The following EPHA5 variants were observed in gnomAD, a reference collection of about 807,000 sequenced individuals.
EPHA5 encodes the protein ephrin type-A receptor 5.
A neutral mutation model predicts 105.0 loss-of-function variants in EPHA5; 60 were observed. The observed-to-expected ratio is 0.57, with a 90% CI of 0.46 to 0.71. The LOEUF is 0.71. Ranked by LOEUF, EPHA5 falls within the 30% of genes least tolerant of loss-of-function variation. The probability of loss-of-function intolerance (pLI) is 0.00; values close to 1 mark genes in which losing one functional copy is unlikely to be tolerated. For missense variants in EPHA5, 1,218 were observed against 1,274.7 expected, an observed-to-expected ratio of 0.96 and a Z score of 0.68; for synonymous variants, 513 against 449.1, an observed-to-expected ratio of 1.14 and a Z score of -1.80.
At chr4:65,607,270 C>T (rs1057056488) in intron 2 of EPHA5, among the ~76,000 whole-genome samples, 8 of 151,818 alleles carry the variant, frequency 5.3e-5, no homozygotes, top group African/African-American at 1.9e-4. Flanking sequence ...TAGGCATGGG[C>T]AAATAATTCA....
At chr4:65,383,493 A>G (rs936639538) in intron 8 of EPHA5, among the ~76,000 whole-genome samples, 2 of 151,920 alleles carry the variant, frequency 1.3e-5, no homozygotes, top group African/African-American at 4.8e-5. Context: ...AAACAAAGCA[A>G]GAAAAGAAAT....
At chr4:65,640,220 T>G (rs543769603) in intron 2 of EPHA5, among the ~76,000 whole-genome samples, 86 of 152,136 alleles carry the variant, frequency 5.7e-4, no homozygotes, top group Non-Finnish European at 8.1e-4. Flanking sequence ...CTGAAATAAT[T>G]CTGTAAACTC....
intron 1 of EPHA5, among the ~76,000 whole-genome samples, chr4:65,665,456 A>G (rs192370969): frequency 1.8e-3 from 277 of 152,228 alleles, no homozygotes; most frequent in African/African-American, 6.3e-3. Flanking sequence ...TTTTGCATGT[A>G]AAGATACAAA....
chr4:65,556,656 T>A (rs530058395), intron 3 of EPHA5, among the ~76,000 whole-genome samples: 3 of 152,186 alleles, frequency 2.0e-5, no homozygotes, highest in Non-Finnish European at 2.9e-5. Context: ...ACTATAGTAA[T>A]ATTAATTGTT....
intron 3 of EPHA5, among the ~76,000 whole-genome samples, chr4:65,567,719 A>T (rs1739697959): frequency 6.6e-6 from 1 of 151,630 alleles, no homozygotes; most frequent in African/African-American, 2.4e-5. Context: ...TATTAACCAA[A>T]GTGCTTGAGT....
intron 16 of EPHA5, chr4:65,331,282 G>A: frequency 9.7e-7 from 1 of 1,029,470 alleles, no homozygotes; most frequent in Non-Finnish European, 1.2e-6. Flanking sequence ...CATGTACAGA[G>A]TATATAATAA....
At chr4:65,596,435 C>T (rs1302603102) in intron 3 of EPHA5, among the ~76,000 whole-genome samples, 2 of 151,962 alleles carry the variant, frequency 1.3e-5, no homozygotes, top group Non-Finnish European at 2.9e-5. Context: ...AATATCAAAA[C>T]TCCAGTGCTG....
intron 3 of EPHA5, among the ~76,000 whole-genome samples, chr4:65,595,421 T>C (rs1267577906): frequency 1.3e-5 from 2 of 152,110 alleles, no homozygotes; most frequent in East Asian, 3.9e-4. Flanking sequence ...GGAAGTTCTA[T>C]AAAACGTACA....
At chr4:65,347,155 A>C (rs947626023) in intron 14 of EPHA5, among the ~76,000 whole-genome samples, 1 of 148,658 alleles carries the variant, frequency 6.7e-6, no homozygotes, top group Non-Finnish European at 1.5e-5. Flanking sequence ...GGTTTTATGG[A>C]GCATGGATGA....
At chr4:65,341,803 T>C (rs897241332) in intron 14 of EPHA5, among the ~76,000 whole-genome samples, 2 of 151,956 alleles carry the variant, frequency 1.3e-5, no homozygotes, top group Admixed American at 1.3e-4. Context: ...TGAGTACCTA[T>C]GTTGCTAGGC....
At chr4:65,524,640 A>G (rs1323752429) in intron 3 of EPHA5, among the ~76,000 whole-genome samples, 2 of 151,844 alleles carry the variant, frequency 1.3e-5, no homozygotes, top group African/African-American at 4.8e-5. Flanking sequence ...AATAGCTTCT[A>G]GATGAAGGAA....
At chr4:65,575,992 GAGAGAGAGAGAAAGAAAGAAAGAA>G (rs1417445478) in intron 3 of EPHA5, among the ~76,000 whole-genome samples, 2 of 72,616 alleles carry the variant, frequency 2.8e-5, no homozygotes, top group African/African-American at 1.0e-4. Context: ...AAGAGAGAGA[GAGAGAGAGAGAAAGAAAGAAAGAA>G]AGAAAGAAAG....
intron 11 of EPHA5, among the ~76,000 whole-genome samples, chr4:65,362,124 T>A (rs145513354): frequency 1.3e-5 from 2 of 151,696 alleles, no homozygotes; most frequent in East Asian, 3.9e-4. Context: ...TTTATGATGG[T>A]TGCTGTTTAA....
At chr4:65,501,149 T>G (rs1472536698) in intron 3 of EPHA5, among the ~76,000 whole-genome samples, 3 of 151,416 alleles carry the variant, frequency 2.0e-5, no homozygotes, top group African/African-American at 7.3e-5. Flanking sequence ...ATAAGGGAAT[T>G]AAAACTCAAA....
chr4:65,464,079 T>C (rs189570907), intron 5 of EPHA5, among the ~76,000 whole-genome samples: 1 of 151,762 alleles, frequency 6.6e-6, no homozygotes, highest in Admixed American at 6.6e-5. Flanking sequence ...TTGTCTTTCA[T>C]CCATTCAAAG....
intron 1 of EPHA5, among the ~76,000 whole-genome samples, chr4:65,655,954 T>A (rs969910462): frequency 1.3e-4 from 20 of 151,874 alleles, no homozygotes; most frequent in Non-Finnish European, 2.2e-4. Context: ...AACACAGTAG[T>A]TTTTAAACTG....
At chr4:65,400,695 T>G (rs1177124990) in intron 8 of EPHA5, among the ~76,000 whole-genome samples, 3 of 152,120 alleles carry the variant, frequency 2.0e-5, no homozygotes, top group Non-Finnish European at 4.4e-5. Flanking sequence ...AAAGTTAACC[T>G]TTTTTATTTG....
chr4:65,640,276 T>A (rs1252084859), intron 2 of EPHA5, among the ~76,000 whole-genome samples: 1 of 23,742 alleles, frequency 4.2e-5, no homozygotes, highest in Non-Finnish European at 8.7e-5. Flanking sequence ...CATTGCTCAG[T>A]TTTTTCTTTT....
At chr4:65,396,033 C>A (rs1158180677) in intron 8 of EPHA5, among the ~76,000 whole-genome samples, 1 of 152,160 alleles carries the variant, frequency 6.6e-6, no homozygotes, top group Non-Finnish European at 1.5e-5. Flanking sequence ...AGCCACCCAA[C>A]TGTGGATGTA....
Sources: gnomAD v4.1 joint callset for allele counts (sites outside exome capture counted in the v4.1 genomes callset) on GRCh38, gnomAD v4.1.1 for gene constraint, MANE v1.5 for transcripts, NCBI Gene and HGNC (gene_info 2026-07-23, HGNC 2026-07-21) for gene names.